Variants in TRPM1 observed in about 807,000 individuals in gnomAD.
The protein encoded by TRPM1 is TRPM1-203 APA Isoform, Intron 10.
Under a neutral mutation model 149.4 loss-of-function variants are expected in TRPM1, and 113 were observed. That is an observed-to-expected ratio of 0.76 (90% confidence interval 0.65 to 0.88). The LOEUF is 0.88. Among genes scored for constraint, TRPM1 ranks in the 40% least tolerant of loss-of-function variants. The pLI, the probability that TRPM1 is intolerant of heterozygous loss-of-function variation, is 0.00. For missense variants in TRPM1, 1,976 were observed against 2,038.7 expected (o/e 0.97, Z 0.59); for synonymous variants, 741 against 759.5 (o/e 0.98, Z 0.40).
chr15:31,119,537 T>C (rs2035848655), intron 1 of TRPM1, among the ~76,000 whole-genome samples: 1 of 152,120 alleles, frequency 6.6e-6, no homozygotes, highest in South Asian at 2.1e-4. Flanking sequence ...GGAAAAGATA[T>C]GGGTCAGAAA....
chr15:31,110,371 A>G (rs2035667939), intron 1 of TRPM1, among the ~76,000 whole-genome samples: 1 of 152,244 alleles, frequency 6.6e-6, no homozygotes, highest in East Asian at 1.9e-4. Flanking sequence ...TTAGGCAAAG[A>G]CATAGAGGTC....
chr15:31,057,176 G>A (rs74962115), intron 11 of TRPM1, among the ~76,000 whole-genome samples: 2,956 of 152,258 alleles, frequency 0.019, 92 homozygotes, highest in African/African-American at 0.068. Context: ...AAATGGGACA[G>A]TAACAATTAA....
At chr15:31,064,389 C>A (rs73374023) in intron 7 of TRPM1, among the ~76,000 whole-genome samples, 9 of 152,146 alleles carry the variant, frequency 5.9e-5, no homozygotes, top group Non-Finnish European at 1.2e-4. Context: ...TGGGTACCAA[C>A]TAACTTTTGG....
chr15:31,017,763 T>C (rs1457609136), intron 27 of TRPM1, among the ~76,000 whole-genome samples: 8 of 152,248 alleles, frequency 5.3e-5, no homozygotes, highest in African/African-American at 1.9e-4. Flanking sequence ...ACATACTTTT[T>C]GTTAAGGGGT....
At chr15:31,092,456 G>A (rs961871800) in intron 1 of TRPM1, among the ~76,000 whole-genome samples, 4 of 152,154 alleles carry the variant, frequency 2.6e-5, no homozygotes, top group South Asian at 2.1e-4. Flanking sequence ...CCGACCACGC[G>A]GCCAGGCAGC....
At chr15:31,004,073 G>A (rs554870787) in intron 27 of TRPM1, among the ~76,000 whole-genome samples, 1 of 152,260 alleles carries the variant, frequency 6.6e-6, no homozygotes, top group East Asian at 1.9e-4. Flanking sequence ...TAGGAGTCCT[G>A]GCTACTGTGT....
At chr15:31,088,809 A>AGGG (rs200276124) in intron 1 of TRPM1, among the ~76,000 whole-genome samples, 1 of 149,230 alleles carries the variant, frequency 6.7e-6, no homozygotes, top group African/African-American at 2.5e-5. Flanking sequence ...TGCTGGGGGG[A>AGGG]TGCGTCAGAG....
rs1489390371 is a variant in TRPM1 at position 31,037,764 on chromosome 15, T to C, written c.2518A>G (p.Thr840Ala). The C allele has an allele frequency of 1.2e-6, 2 of 1,614,240 alleles. No homozygotes were observed. The highest frequency in any genetic ancestry group is 2.2e-5 in the South Asian group (2 of 91,086). The change falls in exon 20 of 28, where the codon ACA becomes GCA. Residue 840 changes from threonine (T) to alanine (A), a missense_variant. This residue lies in a region of TRPM1 where 1,332 missense variants were observed against 1,347.1 expected (regional missense o/e 0.99). Transcript: ENST00000256552. Reference protein sequence around the residue: ...HKKQRSIPIGTKICEFYNAPI... With the variant: ...HKKQRSIPIGAKICEFYNAPI... ...GCGTTATAGAATTCACAGATCTTTG[T>C]TCCGATGGGAATACTTCTCTGTTTT...
chr15:31,151,007 C>T (rs918242459), intron 1 of TRPM1, among the ~76,000 whole-genome samples: 13 of 152,172 alleles, frequency 8.5e-5, no homozygotes, highest in African/African-American at 3.1e-4. Flanking sequence ...ATAAGATGCC[C>T]AGCCCACATT....
chr15:31,157,833 C>T (rs2036396967), intron 1 of TRPM1, among the ~76,000 whole-genome samples: 2 of 152,100 alleles, frequency 1.3e-5, no homozygotes, highest in South Asian at 4.1e-4. Flanking sequence ...AAATAGAGGG[C>T]CAGGCGAGAT....
At chr15:31,125,013 A>G (rs2035929258) in intron 1 of TRPM1, among the ~76,000 whole-genome samples, 1 of 152,034 alleles carries the variant, frequency 6.6e-6, no homozygotes, top group South Asian at 2.1e-4. Flanking sequence ...GTCTCTTTCA[A>G]AAATACAAAA....
intron 1 of TRPM1, among the ~76,000 whole-genome samples, chr15:31,136,684 A>T (rs1328556938): frequency 2.6e-5 from 4 of 151,632 alleles, no homozygotes; most frequent in Non-Finnish European, 5.9e-5. Flanking sequence ...TCATAAGGAA[A>T]GTCACTTTGA....
intron 1 of TRPM1, among the ~76,000 whole-genome samples, chr15:31,087,254 T>C (rs1320275419): frequency 7.5e-6 from 1 of 132,946 alleles, no homozygotes; most frequent in Non-Finnish European, 1.6e-5. Flanking sequence ...TTTTTTTTTT[T>C]TTTTTTTTGA....
chr15:31,136,159 AG>A (rs2036085619), intron 1 of TRPM1, among the ~76,000 whole-genome samples: 1 of 145,216 alleles, frequency 6.9e-6, no homozygotes, highest in African/African-American at 2.5e-5. Context: ...GAGTGGGAGG[AG>A]GGGGTGGGAG....
intron 1 of TRPM1, among the ~76,000 whole-genome samples, chr15:31,091,525 G>A (rs1197220800): frequency 6.6e-5 from 10 of 152,364 alleles, no homozygotes; most frequent in Non-Finnish European, 1.5e-5. Flanking sequence ...CCGAAGGGCA[G>A]GGAAGGGCAC....
chr15:31,015,023 TAGAA>T (rs1163835406), intron 27 of TRPM1, among the ~76,000 whole-genome samples: 1 of 151,562 alleles, frequency 6.6e-6, no homozygotes, highest in African/African-American at 2.4e-5. Flanking sequence ...TATGGGACAA[TAGAA>T]AGGGAAAAAG....
At chr15:31,028,219 C>G in intron 25 of TRPM1, 113 bp downstream of exon 25, 2 of 1,403,100 alleles carry the variant, frequency 1.4e-6, no homozygotes, top group South Asian at 2.4e-5. Flanking sequence ...TACTTAAAAA[C>G]CCTAATGAAA....
chr15:31,088,117 C>T (rs1445391160), intron 1 of TRPM1, among the ~76,000 whole-genome samples: 1 of 152,144 alleles, frequency 6.6e-6, no homozygotes, highest in African/African-American at 2.4e-5. Context: ...TTCTGTCTAG[C>T]TAAAGGATTG....
At chr15:31,031,903 G>A (rs1350624391) in intron 22 of TRPM1, among the ~76,000 whole-genome samples, 2 of 151,800 alleles carry the variant, frequency 1.3e-5, no homozygotes, top group Non-Finnish European at 2.9e-5. Context: ...CCAGGCCAGA[G>A]TAAATGAGCT....
Sources: gnomAD v4.1 joint callset for allele counts (sites outside exome capture counted in the v4.1 genomes callset) on GRCh38, gnomAD v4.1.1 for gene constraint, gnomAD v4.1.1 regional missense constraint, MANE v1.5 for transcripts, NCBI Gene and HGNC (gene_info 2026-07-23, HGNC 2026-07-21) for gene names.